Variants in MEIOC observed in about 807,000 individuals in gnomAD.
MEIOC encodes the protein meiosis-specific coiled-coil domain-containing protein MEIOC.
Under a neutral mutation model 85.3 loss-of-function variants are expected in MEIOC, and 9 were observed. The ratio of observed to expected loss-of-function variants is 0.11; its 90% CI spans 0.06 to 0.18. The LOEUF (loss-of-function observed/expected upper bound fraction) is 0.18, where lower values mean the gene tolerates loss of function less well. Ranked by LOEUF, MEIOC falls within the 10% of genes least tolerant of loss-of-function variation. The probability of loss-of-function intolerance (pLI) is 1.00; values close to 1 mark genes in which losing one functional copy is unlikely to be tolerated. For missense variants in MEIOC, 898 were observed against 1,129.4 expected, an observed-to-expected ratio of 0.80 and a Z score of 2.94; for synonymous variants, 365 against 393.7, an observed-to-expected ratio of 0.93 and a Z score of 0.86.
chr17:44,668,627 G>T (rs945866275), intron 5 of MEIOC, among the ~76,000 whole-genome samples: 1 of 152,086 alleles, frequency 6.6e-6, no homozygotes, highest in East Asian at 1.9e-4. Context: ...CACTGCACCC[G>T]GCTAACTTGC....
rs1971970212 is a variant in MEIOC, at chr17:44,669,619, G to T, written c.2457+102G>T. 3 of 1,210,266 alleles carry T rather than the reference G, an allele frequency of 2.5e-6. No individual in the cohort carries two copies. In the Admixed American group the frequency reaches 6.3e-5, roughly 26 times the overall value. The allele number at this position is 1,210,266 out of a possible 1,614,324, so 75.0% of individuals were successfully genotyped here. On this transcript the variant is annotated intron_variant, in intron 6 of 7. Coordinates refer to ENST00000409122, the MANE Select transcript of MEIOC (RefSeq NM_001145080.3). ...TCACTCCTGTAATCCCACCACTTTG[G>T]GAGGCCGAGGCGGGCAGATCACCTG... is the stretch of plus-strand genomic sequence containing the variant.
In MEIOC at chr17:44,674,985, G is replaced by T. The variant is rs577939336; in HGVS notation, c.*789G>T. 22 of 983,140 alleles carry T rather than the reference G, an allele frequency of 2.2e-5. No homozygotes were observed. In the South Asian group the frequency reaches 9.9e-4, roughly 44 times the overall value. 60.9% of individuals were successfully genotyped at this position (983,140 alleles called of 1,614,324 possible). On this transcript the variant is annotated 3_prime_UTR_variant, in exon 8 of 8. Coordinates refer to ENST00000409122, the MANE Select transcript of MEIOC (RefSeq NM_001145080.3). The stretch of plus-strand genomic sequence containing the variant: ...ACATTCCCTTTATCTGGATCTTTTA[G>T]ACTTGATGCACAGTAACTGAAATAA...
At chr17:44,673,197 C>A in intron 6 of MEIOC, 169 bp from the exon 7 acceptor site, 1 of 458,974 alleles carries the variant, frequency 2.2e-6, no homozygotes, top group Non-Finnish European at 3.8e-6. Context: ...AGATAGAAAA[C>A]ACTTTCCATT....
intron 2 of MEIOC, among the ~76,000 whole-genome samples, chr17:44,658,043 G>A (rs938487465): frequency 1.3e-5 from 2 of 151,062 alleles, no homozygotes; most frequent in African/African-American, 2.4e-5. Context: ...TTAGAGACCG[G>A]GTTTCACCAT....
downstream of MEIOC, chr17:44,676,859 C>A: frequency 1.5e-6 from 1 of 686,094 alleles, no homozygotes; most frequent in Non-Finnish European, 1.8e-6. Context: ...CAATACTGAA[C>A]ATTTTAGACG....
At chr17:44,664,061 T>TATAATAAAA (rs1435142297) in intron 3 of MEIOC, among the ~76,000 whole-genome samples, 2 of 152,104 alleles carry the variant, frequency 1.3e-5, no homozygotes, top group Non-Finnish European at 2.9e-5. Context: ...AAACCGGAAG[T>TATAATAAAA]TACAATTTAT....
At chr17:44,657,013 G>A in intron 1 of MEIOC, 114 bp from the exon 2 acceptor site, 1 of 1,275,612 alleles carries the variant, frequency 7.8e-7, no homozygotes, top group Non-Finnish European at 1.1e-6. Context: ...CGTGTCCTCT[G>A]AGAGGGTTCG....
intron 7 of MEIOC, 166 bp downstream of exon 7, chr17:44,673,712 TATTA>T: frequency 1.3e-6 from 1 of 752,772 alleles, no homozygotes; most frequent in Non-Finnish European, 2.1e-6. Context: ...ATTTCCATTT[TATTA>T]ATTTTGTCTG....
At position 44,674,131 on chromosome 17, in the gene MEIOC, A is replaced by G. The variant is rs1259763070; in HGVS notation, c.2794A>G (p.Lys932Glu). The G allele has an allele frequency of 9.0e-6, 14 of 1,551,760 alleles. No individual in the cohort carries two copies. The highest frequency in any genetic ancestry group is 2.0e-5 in the Admixed American group (1 of 51,006). ...PLQDTVNCED[K>E]VHESINSSNP... ...ACAAGATACAGTAAACTGTGAAGAT[A>G]AAGTCCATGAAAGCATAAATAGTAG... The change falls in exon 8 of 8, where the codon AAA (lysine) becomes GAA (glutamate). Residue 932 changes from lysine to glutamate, a missense_variant. By Grantham distance (56) the Lys-to-Glu change is moderately conservative (BLOSUM62 1). Transcript: ENST00000409122.
Position 44,667,667 on chromosome 17 carries a change from A to G in MEIOC, c.1756A>G (p.Asn586Asp). 6.2e-7 allele frequency: 1 copy of G among 1,612,890 alleles called. No individual in the cohort carries two copies. The highest frequency in any genetic ancestry group is 1.3e-5 in the African/African-American group (1 of 75,016). Residue 586 changes from asparagine (N) to aspartate (D), a missense_variant, in exon 5 of 8, where the codon AAT (asparagine) becomes GAT (aspartate). By Grantham distance (23) the Asn-to-Asp change is conservative (BLOSUM62 1). Coordinates refer to ENST00000409122, the MANE Select transcript of MEIOC (RefSeq NM_001145080.3). ...LVTDKKIKQP[N>D]GFCDNYSAQK... Reference sequence around the variant, plus strand: ...TACGGATAAAAAAATAAAGCAGCCAAATGGATTTTGTGATAACTATTCAGC... The same window carrying G: ...TACGGATAAAAAAATAAAGCAGCCAGATGGATTTTGTGATAACTATTCAGC...
chr17:44,674,236 A>AT lies in MEIOC; in HGVS notation c.*41dup, dbSNP rs1568136820. ...AAAGAAGAATAAAAAGCTGATAAAT[A>AT]TACCAAGACATGCTAAAAATGTTTT... On this transcript the variant is annotated 3_prime_UTR_variant, in exon 8 of 8. Transcript: ENST00000409122. 3.3e-6 allele frequency: 5 copies of AT among 1,508,016 alleles called. No individual in the cohort carries two copies. The highest frequency in any genetic ancestry group is 3.5e-6 in the Non-Finnish European group (4 of 1,129,226). The allele number at this position is 1,508,016 out of a possible 1,614,324, so 93.4% of individuals were successfully genotyped here.
chr17:44,667,545 G>C lies in MEIOC; in HGVS notation c.1634G>C (p.Ser545Thr), dbSNP rs771988635. 3.1e-6 allele frequency: 5 copies of C among 1,613,754 alleles called. No homozygotes were observed. In the East Asian group the frequency reaches 1.1e-4, roughly 36 times the overall value. ...YCQENPSAFS[S>T]FDFSYSGAER... ...CAAGAAAACCCTTCAGCATTTTCTA[G>C]TTTTGATTTTAGTTACAGTGGTGCA... The change falls in exon 5 of 8, where the codon AGT becomes ACT. Residue 545 changes from serine to threonine, a missense_variant. Ser to Thr is a moderately conservative substitution (Grantham distance 58). This residue lies in a region of MEIOC where 734 missense variants were observed against 860.1 expected (regional missense o/e 0.85). Coordinates refer to ENST00000409122, the MANE Select transcript of MEIOC (RefSeq NM_001145080.3).
Position 44,657,208 on chromosome 17 carries a change from G to A in MEIOC, c.151G>A (p.Gly51Ser), listed in dbSNP as rs770849971. The change falls in exon 2 of 8, where the codon GGC (glycine) becomes AGC (serine). Residue 51 changes from glycine to serine, a missense_variant. Physicochemically the swap from Gly to Ser is moderately conservative, Grantham distance 56. This residue lies in a region of MEIOC where 734 missense variants were observed against 860.1 expected (regional missense o/e 0.85). Coordinates refer to ENST00000409122, the MANE Select transcript of MEIOC (RefSeq NM_001145080.3). The stretch of plus-strand genomic sequence containing the variant: ...CGGCAGCAGGTTAACCGACGTCTTC[G>A]GCAGCGTGATGTTGACTGGCTCCGC... ...DAGSRLTDVF[G>S]SVMLTGSASF... is the part of the protein sequence containing the mutation. 2 of 1,551,976 alleles carry A rather than the reference G, an allele frequency of 1.3e-6. No homozygotes were observed. The highest frequency in any genetic ancestry group is 1.7e-6 in the Non-Finnish European group (2 of 1,147,008).
At position 44,665,539 on chromosome 17, in the gene MEIOC, C is replaced by G. The variant is rs1011849992; in HGVS notation, c.464+51C>G. 11 of 815,628 alleles carry G rather than the reference C, an allele frequency of 1.3e-5. No homozygotes were observed. The African/African-American group carries it at 2.0e-4, about 14-fold the overall frequency. 50.5% of individuals were successfully genotyped at this position (815,628 alleles called of 1,614,324 possible). A position where few individuals can be genotyped will look rare whatever the true frequency, so the allele number is the denominator to read the frequency against. Reference sequence around the variant, plus strand: ...TAACAGGCTTTTAAACTAACATACACTAGTTTACCCTGTTTATTAACTTTT... The same window carrying G: ...TAACAGGCTTTTAAACTAACATACAGTAGTTTACCCTGTTTATTAACTTTT... On this transcript the variant is annotated intron_variant, in intron 4 of 7. Transcript: ENST00000409122.
At chr17:44,656,795 T>C in intron 1 of MEIOC, 113 bp downstream of exon 1, 1 of 120,870 alleles carries the variant, frequency 8.3e-6, no homozygotes, top group Non-Finnish European at 1.4e-5. Flanking sequence ...AGGCGGGTCG[T>C]CGGTGGGGAG....
intron 6 of MEIOC, among the ~76,000 whole-genome samples, chr17:44,671,383 T>A (rs551534694): frequency 6.6e-6 from 1 of 152,168 alleles, no homozygotes; most frequent in East Asian, 1.9e-4. Flanking sequence ...TATAATAATT[T>A]TATTTTCTTT....
intron 2 of MEIOC, among the ~76,000 whole-genome samples, chr17:44,660,901 T>C (rs1337978700): frequency 1.3e-5 from 2 of 151,040 alleles, no homozygotes; most frequent in Non-Finnish European, 3.0e-5. Context: ...AAGACCAGCC[T>C]GGGCAACACA....
At position 44,667,073 on chromosome 17, in the gene MEIOC, G is replaced by C. The variant is rs1971917239; in HGVS notation, c.1162G>C (p.Asp388His). The C allele has an allele frequency of 6.2e-7, 1 of 1,613,774 alleles. No homozygotes were observed. Among genetic ancestry groups the C allele is most frequent in the African/African-American group, 1.3e-5 (1 of 75,040 alleles). Residue 388 changes from aspartate (D) to histidine (H), a missense_variant, in exon 5 of 8, where the codon GAT becomes CAT. This residue lies in a region of MEIOC where 734 missense variants were observed against 860.1 expected (regional missense o/e 0.85). Coordinates refer to ENST00000409122, the MANE Select transcript of MEIOC (RefSeq NM_001145080.3). ...NQKKMEETIPDQQNFTFPKTT... is the reference protein window; with the variant it reads ...NQKKMEETIPHQQNFTFPKTT... ...GAAAAAAATGGAGGAGACAATCCCTGATCAGCAGAATTTCACATTTCCAAA... is the reference window on the plus strand; with the variant it reads ...GAAAAAAATGGAGGAGACAATCCCTCATCAGCAGAATTTCACATTTCCAAA...
At position 44,668,298 on chromosome 17, in the gene MEIOC, C is replaced by A. The variant is rs114536199; in HGVS notation, c.2322+65C>A. The A allele has an allele frequency of 5.9e-3, 8,161 of 1,390,874 alleles. 393 individuals carry two copies. The African/African-American group carries it at 0.11, about 18-fold the overall frequency. 86.2% of individuals were successfully genotyped at this position (1,390,874 alleles called of 1,614,324 possible). ...CTTTTGCCTGTCTTCATTCTGTTTA[C>A]CTTAGTGTAGTGTAAGAGTACTTGC... On this transcript the variant is annotated intron_variant, in intron 5 of 7. Transcript: ENST00000409122.
Sources: allele counts gnomAD v4.1 joint callset (sites outside exome capture counted in the v4.1 genomes callset), GRCh38; gene constraint gnomAD v4.1.1; regional missense constraint gnomAD v4.1.1; transcripts MANE v1.5; gene names NCBI Gene and HGNC (gene_info 2026-07-23, HGNC 2026-07-21).